The following PITPNA variants were observed in gnomAD, a reference collection of about 807,000 sequenced individuals.
The protein encoded by PITPNA is phosphatidylinositol transfer protein alpha isoform.
A neutral mutation model predicts 50.3 loss-of-function variants in PITPNA; 13 were observed. That is an observed-to-expected ratio of 0.26 (90% CI 0.17 to 0.41). The LOEUF (loss-of-function observed/expected upper bound fraction) is 0.41, where lower values mean the gene tolerates loss of function less well. Ranked by LOEUF, PITPNA falls within the 10% of genes least tolerant of loss-of-function variation. The pLI, the probability that PITPNA is intolerant of heterozygous loss-of-function variation, is 1.00. For synonymous variants in PITPNA, 120 were observed against 119.6 expected, an observed-to-expected ratio of 1.00 and a Z score of -0.02; for missense variants, 207 against 333.4, an observed-to-expected ratio of 0.62 and a Z score of 2.95.
chr17:1,541,269 G>A (rs994134561), intron 6 of PITPNA, among the ~76,000 whole-genome samples: 5 of 152,128 alleles, frequency 3.3e-5, no homozygotes, highest in East Asian at 1.9e-4. Context: ...GGGAGTTACT[G>A]CAAATTGTGC....
intron 7 of PITPNA, 71 bp downstream of exon 7, chr17:1,538,798 C>T (rs1246135383): frequency 4.4e-6 from 4 of 904,150 alleles, no homozygotes; most frequent in Non-Finnish European, 7.2e-6. Context: ...GGTATGGTTT[C>T]CTGGTTTCTT....
intron 3 of PITPNA, 147 bp downstream of exon 3, chr17:1,552,857 A>G (rs985909807): frequency 2.0e-5 from 16 of 808,898 alleles, no homozygotes; most frequent in Non-Finnish European, 2.3e-5. Context: ...AAATGTGAGT[A>G]TAACATTTAT....
At chr17:1,537,240 T>G (rs763837035) in intron 7 of PITPNA, among the ~76,000 whole-genome samples, 1 of 152,102 alleles carries the variant, frequency 6.6e-6, no homozygotes, top group African/African-American at 2.4e-5. Context: ...ATCTGTTGTA[T>G]TTTTAGTAGA....
rs149151459 is a variant in PITPNA, at chr17:1,531,239, G to A, written c.768+2860C>T. On this transcript the variant is annotated intron_variant, in intron 10 of 11. Transcript: ENST00000313486. ...CCTCCAGAATGCTGGCTGCCTGCCT[G>A]TCTCCCACAGCAAGAGACAGGGGAG... Among the ~76,000 whole-genome samples the A allele has an allele frequency of 9.5e-3, 1,442 of 152,206 alleles. 24 individuals carry two copies. Among genetic ancestry groups the A allele is most frequent in the African/African-American group, 0.032 (1,345 of 41,522 alleles).
chr17:1,521,556 A>C (rs1567573457), intron 11 of PITPNA, 23 bp downstream of exon 11: 1 of 1,553,360 alleles, frequency 6.4e-7, no homozygotes, highest in Non-Finnish European at 8.9e-7. Context: ...TGTGACACGC[A>C]CAGTGAGAAA....
intron 10 of PITPNA, among the ~76,000 whole-genome samples, chr17:1,524,335 C>T (rs541274213): frequency 4.6e-4 from 67 of 147,180 alleles, no homozygotes; most frequent in African/African-American, 1.6e-3. Context: ...TGAGCCATCG[C>T]ACCTGGCCTT....
chr17:1,525,946 G>A (rs2075545179), intron 10 of PITPNA, among the ~76,000 whole-genome samples: 1 of 152,220 alleles, frequency 6.6e-6, no homozygotes, highest in African/African-American at 2.4e-5. Flanking sequence ...TCTATCCTAT[G>A]AGAAGGTCTG....
At chr17:1,538,359 G>A (rs1320308712) in intron 7 of PITPNA, 1 of 153,132 alleles carries the variant, frequency 6.5e-6, no homozygotes. Flanking sequence ...TGGTCCACCA[G>A]TGGACTGTCC....
intron 1 of PITPNA, among the ~76,000 whole-genome samples, chr17:1,560,306 T>C (rs1455847566): frequency 6.6e-6 from 1 of 152,166 alleles, no homozygotes; most frequent in African/African-American, 2.4e-5. Context: ...GGGCTGGGCC[T>C]GGAGCGGCAC....
At chr17:1,532,462 G>A (rs2075589991) in intron 10 of PITPNA, among the ~76,000 whole-genome samples, 1 of 152,172 alleles carries the variant, frequency 6.6e-6, no homozygotes, top group Non-Finnish European at 1.5e-5. Context: ...GTTTGGATCT[G>A]AACAAAGCAG....
intron 3 of PITPNA, among the ~76,000 whole-genome samples, chr17:1,550,277 T>C (rs1433074796): frequency 3.3e-5 from 5 of 152,234 alleles, no homozygotes; most frequent in African/African-American, 7.2e-5. Flanking sequence ...GTTCATGCCA[T>C]AATGCGGTGG....
At chr17:1,542,142 G>A (rs146367124) in intron 5 of PITPNA, among the ~76,000 whole-genome samples, 132 of 152,124 alleles carry the variant, frequency 8.7e-4, no homozygotes, top group Non-Finnish European at 1.7e-3. Flanking sequence ...AGAAGCTGCA[G>A]GGAGCCGAGA....
chr17:1,561,950 GC>G (rs1448398214), intron 1 of PITPNA, among the ~76,000 whole-genome samples: 3 of 152,154 alleles, frequency 2.0e-5, no homozygotes, highest in Non-Finnish European at 4.4e-5. Flanking sequence ...GGCCCTGCCT[GC>G]CCCGGTGCGC....
Position 1,548,363 on chromosome 17 carries a change from C to T in PITPNA, c.222G>A (p.Met74Ile). 1 of 1,607,424 alleles carries T rather than the reference C, an allele frequency of 6.2e-7. No individual in the cohort carries two copies. Among genetic ancestry groups the T allele is most frequent in the Admixed American group, 1.7e-5 (1 of 58,722 alleles). ...LQSKVPTFVR[M>I]LAPEGALNIH... Reference sequence around the variant, plus strand: ...TATTCAGGGCTCCCTCTGGGGCCAGCATTCGAACAAACGTGGGTACTTTGC... The same window carrying T: ...TATTCAGGGCTCCCTCTGGGGCCAGTATTCGAACAAACGTGGGTACTTTGC... Residue 74 changes from methionine (M) to isoleucine (I), a missense_variant, in exon 4 of 12, where the codon ATG becomes ATA. By Grantham distance (10) the Met-to-Ile change is conservative. Transcript: ENST00000313486.
intron 10 of PITPNA, among the ~76,000 whole-genome samples, chr17:1,526,211 G>C (rs551167062): frequency 6.6e-6 from 1 of 152,332 alleles, no homozygotes; most frequent in Non-Finnish European, 1.5e-5. Flanking sequence ...CACACAGGTG[G>C]GGTCTAATCA....
chr17:1,556,378 G>A (rs1255610578), intron 2 of PITPNA, among the ~76,000 whole-genome samples: 1 of 152,104 alleles, frequency 6.6e-6, no homozygotes, highest in African/African-American at 2.4e-5. Flanking sequence ...CCTCAATGCT[G>A]CAGAAAAACC....
intron 10 of PITPNA, among the ~76,000 whole-genome samples, chr17:1,533,443 A>T (rs2151005283): frequency 6.6e-6 from 1 of 152,242 alleles, no homozygotes; most frequent in East Asian, 1.9e-4. Flanking sequence ...TGCAGTAGGT[A>T]AAGGCCCTCA....
At chr17:1,524,273 T>C (rs938244948) in intron 10 of PITPNA, among the ~76,000 whole-genome samples, 92 of 148,086 alleles carry the variant, frequency 6.2e-4, no homozygotes, top group African/African-American at 2.1e-3. Context: ...CTCCATGTCC[T>C]GACCTCATGA....
At chr17:1,548,559 T>C (rs2075691009) in intron 3 of PITPNA, among the ~76,000 whole-genome samples, 172 bp from the exon 4 acceptor site, 1 of 152,018 alleles carries the variant, frequency 6.6e-6, no homozygotes, top group Admixed American at 6.6e-5. Flanking sequence ...CCACCTTGGC[T>C]GGCTCCTAAC....
Sources: gnomAD v4.1 joint callset for allele counts (sites outside exome capture counted in the v4.1 genomes callset) on GRCh38, gnomAD v4.1.1 for gene constraint, MANE v1.5 for transcripts, NCBI Gene and HGNC (gene_info 2026-07-23, HGNC 2026-07-21) for gene names.